The following CALD1 variants were observed in gnomAD, a reference collection of about 807,000 sequenced individuals.
CALD1 encodes the protein caldesmon.
In CALD1, 33 loss-of-function variants were observed where a neutral mutation model predicts 99.9. The observed-to-expected ratio is 0.33, with a 90% confidence interval of 0.25 to 0.44. CALD1 has a LOEUF of 0.44. Ranked by LOEUF, CALD1 falls within the 20% of genes least tolerant of loss-of-function variation. CALD1 has a pLI of 1.00. For synonymous variants in CALD1, 310 were observed against 325.0 expected (o/e 0.95, Z 0.50); for missense variants, 861 against 962.1 (o/e 0.89, Z 1.39).
At chr7:134,921,673 G>A (rs1026143825) in intron 3 of CALD1, among the ~76,000 whole-genome samples, 6 of 152,192 alleles carry the variant, frequency 3.9e-5, no homozygotes, top group African/African-American at 9.6e-5. Context: ...TTAATTGGGC[G>A]TGGTGGCAGG....
chr7:134,793,082 G>A (rs1188598575), intron 1 of CALD1, among the ~76,000 whole-genome samples: 1 of 152,214 alleles, frequency 6.6e-6, no homozygotes, highest in Non-Finnish European at 1.5e-5. Flanking sequence ...GCCTTTAGGA[G>A]CCAAGGACGG....
At chr7:134,768,680 T>A (rs566037089) in intron 1 of CALD1, among the ~76,000 whole-genome samples, 96 of 151,862 alleles carry the variant, frequency 6.3e-4, no homozygotes, top group African/African-American at 1.7e-3. Flanking sequence ...TGCAATTTTT[T>A]AAAAAAAACA....
chr7:134,891,745 TAAA>T (rs10607357), intron 3 of CALD1: 53,628 of 421,800 alleles, frequency 0.13, 553 homozygotes, highest in African/African-American at 0.2. Flanking sequence ...CGAATTGTTG[TAAA>T]AAAAAAAAAA....
chr7:134,824,948 T>C (rs1798930765), intron 1 of CALD1, among the ~76,000 whole-genome samples: 1 of 152,174 alleles, frequency 6.6e-6, no homozygotes, highest in East Asian at 1.9e-4. Flanking sequence ...TTGGAATTTG[T>C]GTTATTCTCT....
At chr7:134,763,418 G>A (rs534942817) in intron 1 of CALD1, among the ~76,000 whole-genome samples, 1 of 152,164 alleles carries the variant, frequency 6.6e-6, no homozygotes, top group African/African-American at 2.4e-5. Context: ...TCAAGCAATG[G>A]GGCTTAGTTT....
At position 134,891,573 on chromosome 7, in the gene CALD1, C is replaced by A. The variant is rs1161863686; in HGVS notation, c.71+23769C>A. 18 of 1,579,168 alleles carry A rather than the reference C, an allele frequency of 1.1e-5. No individual in the cohort carries two copies. The East Asian group carries it at 4.1e-4, about 36-fold the overall frequency. On this transcript the variant is annotated intron_variant, in intron 3 of 14. Transcript: ENST00000361675. ...CCCACGCCCTGACCGCCCGGCCTGG[C>A]CAGGTCTCCGTATCTCTCTGCCCCG... is the stretch of plus-strand genomic sequence containing the variant.
intron 1 of CALD1, among the ~76,000 whole-genome samples, chr7:134,808,242 G>A (rs886843028): frequency 6.7e-6 from 1 of 149,780 alleles, no homozygotes; most frequent in African/African-American, 2.5e-5. Context: ...CTGGGGCCTT[G>A]GGCATGTGCT....
At chr7:134,788,428 G>A (rs991705583) in intron 1 of CALD1, among the ~76,000 whole-genome samples, 5 of 152,160 alleles carry the variant, frequency 3.3e-5, no homozygotes, top group Non-Finnish European at 1.5e-5. Flanking sequence ...CCAAGAACTT[G>A]TTGCTAAACA....
At chr7:134,735,683 A>G in the CALD1 span, among the ~76,000 whole-genome samples, 1 of 151,484 alleles carries the variant, frequency 6.6e-6, no homozygotes, top group Non-Finnish European at 1.5e-5. Context: ...GGTTTCTAGT[A>G]TTGCTCCTGG....
chr7:134,865,065 T>C (rs1487357795), intron 2 of CALD1, among the ~76,000 whole-genome samples: 3 of 151,870 alleles, frequency 2.0e-5, no homozygotes, highest in Non-Finnish European at 4.4e-5. Flanking sequence ...CCTTCATTGG[T>C]TGAGAGTTTG....
chr7:134,943,572 C>T (rs1337003538), intron 7 of CALD1, among the ~76,000 whole-genome samples: 1 of 151,938 alleles, frequency 6.6e-6, no homozygotes, highest in Non-Finnish European at 1.5e-5. Flanking sequence ...ATAGAAAGTG[C>T]AAAATGGTTT....
rs374615275 is a variant in CALD1 at position 134,941,576 on chromosome 7, A to G, written c.1532+339A>G. ...TTATAACTGGGATTCATGTCATTCAATGATTCTCTATATGGTCTGACCACC... is the reference window on the plus strand; with the variant it reads ...TTATAACTGGGATTCATGTCATTCAGTGATTCTCTATATGGTCTGACCACC... On this transcript the variant is annotated intron_variant, in intron 7 of 14. Transcript: ENST00000361675. Among the ~76,000 whole-genome samples, 16 of 152,056 alleles carry G rather than the reference A, an allele frequency of 1.1e-4. No individual in the cohort carries two copies. The East Asian group carries it at 1.2e-3, about 11-fold the overall frequency.
At chr7:134,943,871 GC>G (rs1806648840) in intron 7 of CALD1, among the ~76,000 whole-genome samples, 1 of 152,114 alleles carries the variant, frequency 6.6e-6, no homozygotes, top group Non-Finnish European at 1.5e-5. Context: ...TGCTTTCTAT[GC>G]CAATAAATAT....
chr7:134,715,443 G>A, the CALD1 span, among the ~76,000 whole-genome samples: 140 of 152,250 alleles, frequency 9.2e-4, no homozygotes, highest in African/African-American at 3.0e-3. Context: ...CTATTAACAT[G>A]GGAAAGACCA....
At chr7:134,937,456 A>C (rs1299526355) in intron 6 of CALD1, among the ~76,000 whole-genome samples, 1 of 152,196 alleles carries the variant, frequency 6.6e-6, no homozygotes, top group East Asian at 1.9e-4. Flanking sequence ...TTTTAAAAAA[A>C]GAAAACAACC....
intron 3 of CALD1, among the ~76,000 whole-genome samples, chr7:134,912,227 A>G (rs1803867546): frequency 6.6e-6 from 1 of 152,228 alleles, no homozygotes; most frequent in Admixed American, 6.5e-5. Flanking sequence ...AAAATGGAAC[A>G]TGAGTCCCCT....
intron 10 of CALD1, 39 bp from the exon 11 acceptor site, chr7:134,958,170 C>G (rs751785084): frequency 1.9e-6 from 3 of 1,595,580 alleles, no homozygotes; most frequent in Non-Finnish European, 2.6e-6. Flanking sequence ...TGAGAAGATT[C>G]TCTCTCATAT....
intron 2 of CALD1, among the ~76,000 whole-genome samples, chr7:134,865,134 G>T (rs371386818): frequency 2.0e-5 from 3 of 152,152 alleles, no homozygotes; most frequent in South Asian, 2.1e-4. Context: ...GGCAGGAAAT[G>T]AGGGATTACT....
At chr7:134,711,688 G>A in the CALD1 span, among the ~76,000 whole-genome samples, 4,790 of 55,882 alleles carry the variant, frequency 0.086, 113 homozygotes, top group East Asian at 0.25. Flanking sequence ...ATATGTGTGT[G>A]TGTGTGTGTG....
Sources: allele counts gnomAD v4.1 joint callset (sites outside exome capture counted in the v4.1 genomes callset), GRCh38; gene constraint gnomAD v4.1.1; transcripts MANE v1.5; gene names NCBI Gene and HGNC (gene_info 2026-07-23, HGNC 2026-07-21).